DNAH14: variants seen among roughly 807,000 people sequenced by gnomAD.
DNAH14 encodes the protein axonemal beta dynein heavy chain 14.
In DNAH14, 478 loss-of-function variants were observed where a neutral mutation model predicts 520.9. That is an observed-to-expected ratio of 0.92 (90% CI 0.85 to 0.99). The LOEUF is 0.99. Among genes scored for constraint, DNAH14 ranks in the 50% least tolerant of loss-of-function variants. The pLI is 0.00. For synonymous variants in DNAH14, 1,581 were observed against 1,757.2 expected (o/e 0.90, Z 2.51); for missense variants, 4,831 against 5,234.5 (o/e 0.92, Z 2.38).
intron 23 of DNAH14, among the ~76,000 whole-genome samples, chr1:225,116,535 G>A (rs2076885577): frequency 6.6e-6 from 1 of 152,112 alleles, no homozygotes; most frequent in Non-Finnish European, 1.5e-5. Context: ...ATACCTACAG[G>A]ACATTCAAGT....
At position 225,007,551 on chromosome 1, in the gene DNAH14, CTTTAA is replaced by C. The variant is rs1285596687; in HGVS notation, c.1107+10_1107+14del. On this transcript the variant is annotated splice_region_variant and intron_variant, in intron 10 of 85. Transcript: ENST00000682510. ...GAAAAGTACTTTTCTAAAGGTAATTCTTTAATTATATCATATTTATCAAAGTTGCA... is the reference window on the plus strand; with the variant it reads ...GAAAAGTACTTTTCTAAAGGTAATTCTTATATCATATTTATCAAAGTTGCA... The C allele has an allele frequency of 6.6e-7, 1 of 1,508,518 alleles. No individual in the cohort carries two copies. Among genetic ancestry groups the C allele is most frequent in the Non-Finnish European group, 8.9e-7 (1 of 1,124,154 alleles). The allele number at this position is 1,508,518 out of a possible 1,614,324, so 93.4% of individuals were successfully genotyped here.
At chr1:225,010,806 T>A (rs879937105) in intron 10 of DNAH14, among the ~76,000 whole-genome samples, 5 of 152,216 alleles carry the variant, frequency 3.3e-5, no homozygotes, top group African/African-American at 4.8e-5. Flanking sequence ...TTTCATCTTC[T>A]TCCTGGTTTA....
chr1:225,171,335 G>GTT (rs575561104), intron 36 of DNAH14, among the ~76,000 whole-genome samples: 9 of 152,170 alleles, frequency 5.9e-5, no homozygotes, highest in African/African-American at 1.7e-4. Context: ...CCAGGAGCTG[G>GTT]TTTTTTGAAA....
chr1:225,110,552 T>G (rs1005871730), intron 23 of DNAH14, among the ~76,000 whole-genome samples: 7 of 144,508 alleles, frequency 4.8e-5, no homozygotes, highest in Non-Finnish European at 8.8e-5. Flanking sequence ...TGTATTTATT[T>G]GGGTCTTCTT....
At chr1:225,374,006 A>G (rs2095653502) in intron 77 of DNAH14, among the ~76,000 whole-genome samples, 1 of 147,728 alleles carries the variant, frequency 6.8e-6, no homozygotes, top group Non-Finnish European at 1.5e-5. Context: ...TGAGGAAAAA[A>G]GCTGAGGTGG....
intron 12 of DNAH14, among the ~76,000 whole-genome samples, 198 bp downstream of exon 12, chr1:225,039,021 A>G (rs1572631369): frequency 2.6e-5 from 4 of 152,162 alleles, no homozygotes; most frequent in African/African-American, 9.7e-5. Flanking sequence ...TTGTTCATTC[A>G]TTCACCACAT....
intron 79 of DNAH14, among the ~76,000 whole-genome samples, chr1:225,379,841 A>T (rs2095757292): frequency 6.6e-6 from 1 of 152,106 alleles, no homozygotes; most frequent in Non-Finnish European, 1.5e-5. Context: ...TATTTTTTTA[A>T]TTGACATAAT....
intron 49 of DNAH14, among the ~76,000 whole-genome samples, chr1:225,269,529 A>T (rs1267497101): frequency 6.6e-6 from 1 of 152,246 alleles, no homozygotes; most frequent in Non-Finnish European, 1.5e-5. Flanking sequence ...AACTACCATC[A>T]GAGTGAACAG....
chr1:225,277,900 G>C (rs1302626303), intron 54 of DNAH14, among the ~76,000 whole-genome samples: 2 of 152,076 alleles, frequency 1.3e-5, no homozygotes, highest in African/African-American at 4.8e-5. Context: ...AATATACTTT[G>C]AATAGAGAAA....
intron 84 of DNAH14, among the ~76,000 whole-genome samples, chr1:225,393,314 CGTT>C (rs1393612607): frequency 1.3e-5 from 2 of 152,118 alleles, no homozygotes; most frequent in African/African-American, 4.8e-5. Flanking sequence ...AGAAATGCAT[CGTT>C]AAGAGTGTAC....
intron 78 of DNAH14, among the ~76,000 whole-genome samples, chr1:225,375,718 A>T (rs147837086): frequency 9.1e-4 from 138 of 151,958 alleles, no homozygotes; most frequent in African/African-American, 3.3e-3. Context: ...TCCTTTATGC[A>T]CTATTTGCTA....
At chr1:225,132,521 C>T (rs2078533406) in intron 27 of DNAH14, among the ~76,000 whole-genome samples, 1 of 152,124 alleles carries the variant, frequency 6.6e-6, no homozygotes, top group African/African-American at 2.4e-5. Context: ...CTCCCAGATC[C>T]ATCCATGTCC....
intron 48 of DNAH14, among the ~76,000 whole-genome samples, chr1:225,265,796 T>C (rs1238670530): frequency 6.6e-6 from 1 of 152,044 alleles, no homozygotes; most frequent in Non-Finnish European, 1.5e-5. Flanking sequence ...TTTGCCTACA[T>C]AGGTAAACTT....
intron 61 of DNAH14, 135 bp from the exon 62 acceptor site, chr1:225,322,529 T>G: frequency 1.3e-6 from 1 of 774,038 alleles, no homozygotes; most frequent in Non-Finnish European, 1.9e-6. Flanking sequence ...AGTAATTAAA[T>G]AGCTATATGT....
At chr1:225,276,731 C>T (rs1324505342) in intron 53 of DNAH14, among the ~76,000 whole-genome samples, 1 of 150,240 alleles carries the variant, frequency 6.7e-6, no homozygotes, top group African/African-American at 2.5e-5. Flanking sequence ...AACCCTATCT[C>T]CACACACACA....
At chr1:225,093,873 C>A (rs542522821) in intron 21 of DNAH14, among the ~76,000 whole-genome samples, 2 of 152,210 alleles carry the variant, frequency 1.3e-5, no homozygotes, top group Admixed American at 1.3e-4. Flanking sequence ...AGAATGCAGT[C>A]CCATTCACAA....
intron 27 of DNAH14, among the ~76,000 whole-genome samples, chr1:225,133,973 A>T (rs1036317866): frequency 6.6e-6 from 1 of 151,914 alleles, no homozygotes; most frequent in Non-Finnish European, 1.5e-5. Flanking sequence ...TAGGTATTTT[A>T]TTCTTTTTGT....
chr1:225,373,514 G>T (rs1421808607), intron 77 of DNAH14, among the ~76,000 whole-genome samples: 1 of 152,012 alleles, frequency 6.6e-6, no homozygotes, highest in Admixed American at 6.5e-5. Context: ...GAGGGAGGCG[G>T]AGGTGATAAA....
At chr1:225,142,280 G>C (rs1218622558) in intron 28 of DNAH14, among the ~76,000 whole-genome samples, 1 of 152,092 alleles carries the variant, frequency 6.6e-6, no homozygotes, top group Non-Finnish European at 1.5e-5. Flanking sequence ...TATGAGTTTA[G>C]GGCTATAGTT....
Sources: gnomAD v4.1 joint callset for allele counts (sites outside exome capture counted in the v4.1 genomes callset) on GRCh38, gnomAD v4.1.1 for gene constraint, MANE v1.5 for transcripts, NCBI Gene and HGNC (gene_info 2026-07-23, HGNC 2026-07-21) for gene names.